MAVS: variants seen among roughly 807,000 people sequenced by gnomAD.
The protein encoded by MAVS is mitochondrial antiviral signaling protein, also known as mitochondrial antiviral-signaling protein.
In MAVS, 20 loss-of-function variants were observed where a neutral mutation model predicts 30.2. The observed-to-expected ratio is 0.66, with a 90% CI of 0.47 to 0.96. MAVS has a LOEUF of 0.96. Among genes scored for constraint, MAVS ranks in the 40% least tolerant of loss-of-function variants. MAVS has a pLI of 0.00. For synonymous variants in MAVS, 278 were observed against 293.9 expected, an observed-to-expected ratio of 0.95 and a Z score of 0.55; for missense variants, 624 against 701.1, an observed-to-expected ratio of 0.89 and a Z score of 1.24.
rs1600447254 is a variant in MAVS, at chr20:3,856,892, C to T, written c.118-743C>T. On this transcript the variant is annotated intron_variant, in intron 2 of 6. Transcript: ENST00000428216. The stretch of plus-strand genomic sequence containing the variant: ...CTACTAAAAATACAAAAAAATTAGC[C>T]GGGTGTGGTGGTGGGCTCCTGTAAT... Among the ~76,000 whole-genome samples the T allele has an allele frequency of 3.9e-5, 6 of 151,924 alleles. No individual in the cohort carries two copies. The South Asian group carries it at 1.2e-3, about 32-fold the overall frequency.
At chr20:3,851,990 C>CTTTTTTTTTTTTT (rs770960832) in intron 1 of MAVS, among the ~76,000 whole-genome samples, 1 of 80,484 alleles carries the variant, frequency 1.2e-5, no homozygotes, top group African/African-American at 1.2e-4. Context: ...GTGTAGCAGG[C>CTTTTTTTTTTTTT]TTTTTTTTTT....
chr20:3,857,780 T>C lies in MAVS; in HGVS notation c.263T>C (p.Val88Ala). The C allele has an allele frequency of 6.2e-7, 1 of 1,614,212 alleles. No homozygotes were observed. Among genetic ancestry groups the C allele is most frequent in the Non-Finnish European group, 8.5e-7 (1 of 1,180,034 alleles). Residue 88 changes from valine (V) to alanine (A), a missense_variant, in exon 3 of 7, where the codon GTG becomes GCG. Physicochemically the swap from Val to Ala is moderately conservative, Grantham distance 64 (BLOSUM62 0). Transcript: ENST00000428216. ...GAGCTAGTTGATCTCGCGGACGAAGTGGCCTCTGTCTACCAGAGCTACCAG... is the reference window on the plus strand; with the variant it reads ...GAGCTAGTTGATCTCGCGGACGAAGCGGCCTCTGTCTACCAGAGCTACCAG... Reference protein sequence around the residue: ...GCELVDLADEVASVYQSYQPR... With the variant: ...GCELVDLADEAASVYQSYQPR...
Position 3,870,552 on chromosome 20 carries a change from C to CAT in MAVS, c.*4406_*4407dup, listed in dbSNP as rs2089946109. The CAT allele has an allele frequency of 7.1e-6, 1 of 141,120 alleles. No homozygotes were observed. Among genetic ancestry groups the CAT allele is most frequent in the African/African-American group, 2.6e-5 (1 of 38,406 alleles). 8.7% of individuals were successfully genotyped at this position (141,120 alleles called of 1,614,324 possible). A position where few individuals can be genotyped will look rare whatever the true frequency, so the allele number is the denominator to read the frequency against. On this transcript the variant is annotated 3_prime_UTR_variant, in exon 7 of 7. Coordinates refer to ENST00000428216, the MANE Select transcript of MAVS (RefSeq NM_020746.5). Reference sequence around the variant, plus strand: ...TGGTGGCTTGTGCCTGTAATCCCAGCATTTTGGGAAGCCGAGGTGGGAGGA... The same window carrying CAT: ...TGGTGGCTTGTGCCTGTAATCCCAGCATATTTTGGGAAGCCGAGGTGGGAGGA...
At chr20:3,848,869 T>C (rs1452377327) in intron 1 of MAVS, among the ~76,000 whole-genome samples, 2 of 152,052 alleles carry the variant, frequency 1.3e-5, no homozygotes, top group African/African-American at 2.4e-5. Context: ...GTCATGCTTC[T>C]TTTCTCTCCC....
At chr20:3,849,078 G>A (rs539789392) in intron 1 of MAVS, among the ~76,000 whole-genome samples, 15 of 152,028 alleles carry the variant, frequency 9.9e-5, no homozygotes, top group South Asian at 2.1e-4. Flanking sequence ...TTTCCCTGCC[G>A]GAACCTTCCA....
rs1163141096 is a variant in MAVS, at chr20:3,856,311, CCCAAAGTGCTGGGATTACAGGCGTGAG to C, written c.118-1320_118-1294del. 1.6e-4 allele frequency among the ~76,000 whole-genome samples: 24 copies of C among 151,536 alleles called. No individual in the cohort carries two copies. The East Asian group carries it at 4.5e-3, about 28-fold the overall frequency. On this transcript the variant is annotated intron_variant, in intron 2 of 6. Coordinates refer to ENST00000428216, the MANE Select transcript of MAVS (RefSeq NM_020746.5). ...CCTCATGATCCACCCGCCTCGGCCT[CCCAAAGTGCTGGGATTACAGGCGTGAG>C]CCACTGCGCCCAGCATTTTTTTTTT...
intron 1 of MAVS, among the ~76,000 whole-genome samples, chr20:3,852,527 G>A (rs1385997731): frequency 6.6e-6 from 1 of 152,024 alleles, no homozygotes; most frequent in Non-Finnish European, 1.5e-5. Context: ...GGGCCTTAGA[G>A]CCAGGAAGGG....
chr20:3,871,871 CAAT>C lies in MAVS; in HGVS notation c.*5733_*5735del, dbSNP rs1477501674. On this transcript the variant is annotated 3_prime_UTR_variant, in exon 7 of 7. Coordinates refer to ENST00000428216, the MANE Select transcript of MAVS (RefSeq NM_020746.5). Reference sequence around the variant, plus strand: ...CTCACTCTGTTGCTAACAGCAACAGCAATAATAATAAGGGTTACAACTTACTCC... The same window carrying C: ...CTCACTCTGTTGCTAACAGCAACAGCAATAATAAGGGTTACAACTTACTCC... 1 of 152,302 alleles carries C rather than the reference CAAT, an allele frequency of 6.6e-6. No homozygotes were observed. Among genetic ancestry groups the C allele is most frequent in the Non-Finnish European group, 1.5e-5 (1 of 68,044 alleles). The allele number at this position is 152,302 out of a possible 1,614,324, so 9.4% of individuals were successfully genotyped here. A position where few individuals can be genotyped will look rare whatever the true frequency, so the allele number is the denominator to read the frequency against.
At position 3,866,094 on chromosome 20, in the gene MAVS, G is replaced by C. The variant is rs1467209218; in HGVS notation, c.1570G>C (p.Gly524Arg). 2 of 1,609,910 alleles carry C rather than the reference G, an allele frequency of 1.2e-6. No homozygotes were observed. Among genetic ancestry groups the C allele is most frequent in the Non-Finnish European group, 1.7e-6 (2 of 1,179,152 alleles). Residue 524 changes from glycine to arginine, a missense_variant, in exon 7 of 7, where the codon GGG becomes CGG. Physicochemically the swap from Gly to Arg is moderately radical, Grantham distance 125. Transcript: ENST00000428216. Reference protein sequence around the residue: ...GALWLQVAVTGVLVVTLLVVL... With the variant: ...GALWLQVAVTRVLVVTLLVVL... ...TCTGTGGCTCCAGGTGGCTGTGACA[G>C]GGGTGCTGGTAGTCACACTCCTGGT...
intron 1 of MAVS, among the ~76,000 whole-genome samples, chr20:3,852,284 G>A (rs184520423): frequency 1.6e-3 from 238 of 152,032 alleles, no homozygotes; most frequent in Admixed American, 4.0e-3. Context: ...GTGAGCCACC[G>A]TGCCCGGCCT....
intron 1 of MAVS, 52 bp downstream of exon 1, chr20:3,846,955 C>G (rs1017477219): frequency 6.6e-6 from 1 of 152,462 alleles, no homozygotes; most frequent in South Asian, 2.1e-4. Context: ...CGCACGGACG[C>G]CTTTAGGGAA....
rs2089944883 is a variant in MAVS, at chr20:3,870,379, T to G, written c.*4232T>G. 1 of 152,380 alleles carries G rather than the reference T, an allele frequency of 6.6e-6. No homozygotes were observed. 9.4% of individuals were successfully genotyped at this position (152,380 alleles called of 1,614,324 possible). ...CATTTCCCTCAAAGCCCAAGAGCTGTCACTGCTTCTTTCTCCCTGGGAAGA... is the reference window on the plus strand; with the variant it reads ...CATTTCCCTCAAAGCCCAAGAGCTGGCACTGCTTCTTTCTCCCTGGGAAGA... On this transcript the variant is annotated 3_prime_UTR_variant, in exon 7 of 7. Transcript: ENST00000428216.
intron 5 of MAVS, among the ~76,000 whole-genome samples, 167 bp downstream of exon 5, chr20:3,862,580 T>C (rs904498056): frequency 1.3e-5 from 2 of 152,190 alleles, no homozygotes; most frequent in African/African-American, 4.8e-5. Context: ...TAGCATTTGC[T>C]GTGTAACAAA....
rs987442625 is a variant in MAVS at position 3,865,036 on chromosome 20, C to T, written c.1158+248C>T. On this transcript the variant is annotated intron_variant, in intron 6 of 6. Transcript: ENST00000428216. The surrounding 1 kb of genome is among the most constrained non-coding windows in gnomAD (Gnocchi z 4.7). The stretch of plus-strand genomic sequence containing the variant: ...CCTCAGGAGGGTCAGCCACAGGGGG[C>T]ACCCACTGGTCAGGTGTATAAGTTC... 6.6e-6 allele frequency among the ~76,000 whole-genome samples: 1 copy of T among 152,234 alleles called. No homozygotes were observed. Among genetic ancestry groups the T allele is most frequent in the East Asian group, 1.9e-4 (1 of 5,202 alleles).
At chr20:3,858,289 C>T (rs553000704) in intron 3 of MAVS, among the ~76,000 whole-genome samples, 1 of 152,236 alleles carries the variant, frequency 6.6e-6, no homozygotes, top group Non-Finnish European at 1.5e-5. Flanking sequence ...CCTCTATCAG[C>T]TGCCCAGTTA....
At chr20:3,863,711 C>G (rs1013912962) in intron 5 of MAVS, among the ~76,000 whole-genome samples, 8 of 152,144 alleles carry the variant, frequency 5.3e-5, no homozygotes, top group African/African-American at 1.9e-4. Flanking sequence ...CTGCTTCCCC[C>G]ACCCAGGTCA....
Position 3,859,497 on chromosome 20 carries a change from G to C in MAVS, c.292+1688G>C, listed in dbSNP as rs1443087779. 2.7e-5 allele frequency among the ~76,000 whole-genome samples: 3 copies of C among 112,790 alleles called. No individual in the cohort carries two copies. In the East Asian group the frequency reaches 7.8e-4, roughly 29 times the overall value. 74.0% of individuals were successfully genotyped at this position (112,790 alleles called of 152,430 possible). On this transcript the variant is annotated intron_variant, in intron 3 of 6. Transcript: ENST00000428216. Reference sequence around the variant, plus strand: ...CACTCCAGCCTGGATGACAGAGTGAGACTCCGTCTCCAAAAAAAAAAAACC... The same window carrying C: ...CACTCCAGCCTGGATGACAGAGTGACACTCCGTCTCCAAAAAAAAAAAACC...
intron 1 of MAVS, among the ~76,000 whole-genome samples, chr20:3,848,763 C>T (rs377151532): frequency 6.6e-5 from 10 of 152,174 alleles, no homozygotes; most frequent in South Asian, 4.1e-4. Context: ...TCACTTGTTC[C>T]GAACTGAGTT....
rs758221347 is a variant in MAVS at position 3,864,330 on chromosome 20, A to AC, written c.705dup (p.Arg236GlnfsTer35). ...CTCCTTCCAGCCCCTGGCCCGTTCCACCCCCAGGGCAAGCCGCTTGCCTGG... is the reference window on the plus strand; with the variant it reads ...CTCCTTCCAGCCCCTGGCCCGTTCCACCCCCCAGGGCAAGCCGCTTGCCTGG... On this transcript the variant is annotated frameshift_variant, in exon 6 of 7. Transcript: ENST00000428216. LOFTEE classifies it high-confidence loss of function. 2 of 1,612,688 alleles carry AC rather than the reference A, an allele frequency of 1.2e-6. No homozygotes were observed. Among genetic ancestry groups the AC allele is most frequent in the Non-Finnish European group, 1.7e-6 (2 of 1,179,712 alleles).
Sources: gnomAD v4.1 joint callset for allele counts (sites outside exome capture counted in the v4.1 genomes callset) on GRCh38, gnomAD v4.1.1 for gene constraint, Gnocchi (gnomAD v3.1) non-coding constraint, MANE v1.5 for transcripts, NCBI Gene and HGNC (gene_info 2026-07-23, HGNC 2026-07-21) for gene names.